Variants in FLT3LG observed in about 807,000 individuals in gnomAD.
The protein encoded by FLT3LG is fms related receptor tyrosine kinase 3 ligand, also known as fms-related tyrosine kinase 3 ligand.
FLT3LG carries 8 observed loss-of-function variants against 30.9 expected under a neutral mutation model. The ratio of observed to expected loss-of-function variants is 0.26; its 90% confidence interval spans 0.15 to 0.47. The LOEUF is 0.47. Ranked by LOEUF, FLT3LG falls within the 20% of genes least tolerant of loss-of-function variation. The pLI is 0.99. For synonymous variants in FLT3LG, 123 were observed against 135.9 expected, an observed-to-expected ratio of 0.91 and a Z score of 0.66; for missense variants, 278 against 306.2, an observed-to-expected ratio of 0.91 and a Z score of 0.69.
chr19:49,484,914 G>A (rs1380616150), intron 8 of FLT3LG, among the ~76,000 whole-genome samples: 5 of 152,022 alleles, frequency 3.3e-5, no homozygotes, highest in Non-Finnish European at 7.4e-5. Flanking sequence ...GTGAAACCCC[G>A]TCTCTACTAA....
chr19:49,483,852 G>A (rs1025926777), intron 8 of FLT3LG, among the ~76,000 whole-genome samples: 5 of 143,106 alleles, frequency 3.5e-5, no homozygotes, highest in African/African-American at 1.4e-4. Context: ...GGGCAATAGA[G>A]GGAGACTCTG....
chr19:49,485,910 G>C (rs1363343855), intron 8 of FLT3LG, 105 bp from the exon 9 acceptor site: 2 of 152,216 alleles, frequency 1.3e-5, no homozygotes, highest in East Asian at 3.8e-4. Flanking sequence ...AGTTGTTTTG[G>C]GCATAAATCT....
chr19:49,477,230 C>G (rs1312198840), intron 5 of FLT3LG, among the ~76,000 whole-genome samples: 1 of 152,022 alleles, frequency 6.6e-6, no homozygotes, highest in Admixed American at 6.6e-5. Flanking sequence ...TATTTGAGCC[C>G]AGGAGTTCAA....
Position 49,480,469 on chromosome 19 carries a change from G to A in FLT3LG, c.653G>A (p.Gly218Glu), listed in dbSNP as rs778171431. ...QRTRRRTPRP[G>E]EQVPPVPSPQ... ...ACGCGGCGGAGGACACCCCGCCCTG[G>A]GGAGCAGGTGAGCAGGCTGGGAAGA... Residue 218 changes from glycine (G) to glutamate (E), a missense_variant, in exon 7 of 9, where the codon GGG becomes GAG. Gly to Glu is a moderately conservative substitution (Grantham distance 98). Around this residue, in one of 3 missense-constraint regions of FLT3LG, gnomAD observed 170 missense variants for 162.0 expected, o/e 1.05. Transcript: ENST00000597551. The A allele has an allele frequency of 1.2e-5, 19 of 1,588,086 alleles. No homozygotes were observed. The African/African-American group carries it at 1.9e-4, about 16-fold the overall frequency.
intron 3 of FLT3LG, 49 bp downstream of exon 3, chr19:49,475,850 C>A: frequency 7.5e-7 from 1 of 1,330,222 alleles, no homozygotes; most frequent in Non-Finnish European, 1.0e-6. Context: ...CTTCCCCCCA[C>A]TTTTTTTTTT....
At chr19:49,483,679 G>A (rs1308406044) in intron 8 of FLT3LG, among the ~76,000 whole-genome samples, 1 of 151,304 alleles carries the variant, frequency 6.6e-6, no homozygotes, top group East Asian at 2.0e-4. Context: ...CCCTGATTGT[G>A]CCACTGCACT....
At chr19:49,478,197 G>A (rs939704865) in intron 5 of FLT3LG, among the ~76,000 whole-genome samples, 1 of 139,614 alleles carries the variant, frequency 7.2e-6, no homozygotes, top group South Asian at 2.3e-4. Context: ...GGCTGGGCAC[G>A]GTGGCTCACG....
chr19:49,476,825 CAA>C lies in FLT3LG; in HGVS notation c.342+267_342+268del. On this transcript the variant is annotated intron_variant, in intron 5 of 8. Coordinates refer to ENST00000597551, the MANE Select transcript of FLT3LG (RefSeq NM_001459.4). The surrounding 1 kb of genome is among the most constrained non-coding windows in gnomAD (Gnocchi z 5.3). ...GGGTGCCACTGAGGGGTTCTTCCCC[CAA>C]AAAAAAACAGGGAGAGAAGGGGTCT... 1 of 407,788 alleles carries C rather than the reference CAA, an allele frequency of 2.5e-6. No homozygotes were observed. The highest frequency in any genetic ancestry group is 4.4e-6 in the Non-Finnish European group (1 of 226,372). 25.3% of individuals were successfully genotyped at this position (407,788 alleles called of 1,614,324 possible). A position where few individuals can be genotyped will look rare whatever the true frequency, so the allele number is the denominator to read the frequency against.
chr19:49,485,930 C>T (rs1202121334), intron 8 of FLT3LG, 85 bp from the exon 9 acceptor site: 1 of 152,228 alleles, frequency 6.6e-6, no homozygotes, highest in Non-Finnish European at 1.5e-5. Context: ...TGTGGCCCGC[C>T]CCAAGCTAAG....
At chr19:49,478,207 G>A (rs184825205) in intron 5 of FLT3LG, among the ~76,000 whole-genome samples, 5 of 150,198 alleles carry the variant, frequency 3.3e-5, no homozygotes, top group East Asian at 3.9e-4. Context: ...GGTGGCTCAC[G>A]CCTGTAATCC....
Position 49,475,811 on chromosome 19 carries a change from G to A in FLT3LG, c.144+10G>A, listed in dbSNP as rs768564651. The A allele has an allele frequency of 7.5e-6, 12 of 1,610,532 alleles. No individual in the cohort carries two copies. The highest frequency in any genetic ancestry group is 6.7e-5 in the African/African-American group (5 of 74,742). On this transcript the variant is annotated intron_variant, in intron 3 of 8. Coordinates refer to ENST00000597551, the MANE Select transcript of FLT3LG (RefSeq NM_001459.4). ...CAAAATCCGTGAGCTGGTGAGCGGC[G>A]CTGCCCCGGACCCCCTCATGTGATC...
rs151308804 is a variant in FLT3LG, at chr19:49,480,330, C to T, written c.514C>T (p.Arg172Trp). 4.7e-5 allele frequency: 76 copies of T among 1,607,962 alleles called. No homozygotes were observed. Among genetic ancestry groups the T allele is most frequent in the African/African-American group, 8.0e-5 (6 of 74,782 alleles). The change falls in exon 7 of 9, where the codon CGG becomes TGG. Residue 172 changes from arginine to tryptophan, a missense_variant. Physicochemically the swap from Arg to Trp is moderately radical, Grantham distance 101. Coordinates refer to ENST00000597551, the MANE Select transcript of FLT3LG (RefSeq NM_001459.4). ...SSTLPPPWSPRPLEATAPTAP... is the reference protein window; with the variant it reads ...SSTLPPPWSPWPLEATAPTAP... ...AACCCTGCCACCCCCATGGAGTCCC[C>T]GGCCCCTGGAGGCCACAGCCCCGAC...
intron 6 of FLT3LG, 45 bp downstream of exon 6, chr19:49,479,092 C>T (rs778930544): frequency 8.3e-6 from 13 of 1,565,804 alleles, no homozygotes; most frequent in East Asian, 4.7e-5. Context: ...CCTGTCCTCA[C>T]GGCCGCTCCT....
intron 6 of FLT3LG, chr19:49,479,776 G>C (rs1225909999): frequency 6.4e-6 from 1 of 156,498 alleles, no homozygotes; most frequent in East Asian, 1.9e-4. Context: ...AAAGTGCTAG[G>C]ATTACAGATG....
chr19:49,483,203 G>A (rs2079674791), intron 8 of FLT3LG, among the ~76,000 whole-genome samples: 1 of 151,914 alleles, frequency 6.6e-6, no homozygotes, highest in Admixed American at 6.6e-5. Context: ...TCAGCTCACT[G>A]CAACCTCGGA....
intron 6 of FLT3LG, 147 bp downstream of exon 6, chr19:49,479,194 AT>A (rs5828400): frequency 0.14 from 65,356 of 467,578 alleles, 154 homozygotes; most frequent in East Asian, 0.2. Flanking sequence ...CAGTTTACCA[AT>A]TTTTTTTTTT....
intron 2 of FLT3LG, 42 bp downstream of exon 2, chr19:49,474,714 A>T (rs1304058846): frequency 6.2e-7 from 1 of 1,602,678 alleles, no homozygotes; most frequent in South Asian, 1.1e-5. Flanking sequence ...GAGGGGAGGC[A>T]CAATGTCAGG....
chr19:49,481,019 T>TA (rs2079589077), intron 8 of FLT3LG: 1 of 134,748 alleles, frequency 7.4e-6, no homozygotes, highest in Non-Finnish European at 1.5e-5. Context: ...GTGACAGAGC[T>TA]AGACTCCGTC....
intron 8 of FLT3LG, among the ~76,000 whole-genome samples, chr19:49,483,110 C>T (rs55992104): frequency 0.24 from 37,043 of 151,870 alleles, 8,408 homozygotes; most frequent in African/African-American, 0.6. Flanking sequence ...CAGCATCCAA[C>T]GTATAGTTTA....
Sources: gnomAD v4.1 joint callset for allele counts (sites outside exome capture counted in the v4.1 genomes callset) on GRCh38, gnomAD v4.1.1 for gene constraint, gnomAD v4.1.1 regional missense constraint, Gnocchi (gnomAD v3.1) non-coding constraint, MANE v1.5 for transcripts, NCBI Gene and HGNC (gene_info 2026-07-23, HGNC 2026-07-21) for gene names.